Variants in GRM8 observed in about 807,000 individuals in gnomAD.
GRM8 encodes glutamate metabotropic receptor 8.
Under a neutral mutation model 87.2 loss-of-function variants are expected in GRM8, and 47 were observed. That is an observed-to-expected ratio of 0.54 (90% CI 0.43 to 0.69). GRM8 has a LOEUF of 0.69. GRM8 is among the 30% of genes least tolerant of loss of function. GRM8 has a pLI of 0.00. For synonymous variants in GRM8, 396 were observed against 404.5 expected (o/e 0.98, Z 0.25); for missense variants, 1,019 against 1,139.2 (o/e 0.89, Z 1.52).
At chr7:127,222,470 A>T (rs1213413653) in intron 2 of GRM8, among the ~76,000 whole-genome samples, 2 of 152,192 alleles carry the variant, frequency 1.3e-5, no homozygotes, top group East Asian at 3.9e-4. Context: ...ACTTTCTCAG[A>T]GGAATCACTG....
intron 7 of GRM8, among the ~76,000 whole-genome samples, chr7:126,612,086 T>C (rs551611649): frequency 2.0e-5 from 3 of 152,182 alleles, no homozygotes; most frequent in Non-Finnish European, 4.4e-5. Context: ...TTCTCAGTTA[T>C]ATAGTGGGCT....
In GRM8 at chr7:126,940,915, C is replaced by T. The variant is rs79574797; in HGVS notation, c.728-36232G>A. Among the ~76,000 whole-genome samples the T allele has an allele frequency of 5.3e-5, 8 of 152,306 alleles. No individual in the cohort carries two copies. The East Asian group carries it at 1.5e-3, about 29-fold the overall frequency. ...AGATGACATTGTCGAAAAAGGGACT[C>T]TGTAGAGCATTGTTTGCTTAGTTGG... On this transcript the variant is annotated intron_variant, in intron 3 of 10. Coordinates refer to ENST00000339582, the MANE Select transcript of GRM8 (RefSeq NM_000845.3).
At chr7:126,821,665 G>T (rs1794314330) in intron 6 of GRM8, among the ~76,000 whole-genome samples, 1 of 152,082 alleles carries the variant, frequency 6.6e-6, no homozygotes, top group Non-Finnish European at 1.5e-5. Context: ...GCTAATTTTA[G>T]ATTTAAAGAA....
At chr7:127,008,457 TC>T (rs1200377201) in intron 3 of GRM8, among the ~76,000 whole-genome samples, 1 of 152,118 alleles carries the variant, frequency 6.6e-6, no homozygotes, top group African/African-American at 2.4e-5. Flanking sequence ...ATTAAAATTC[TC>T]CCTCATGCCT....
At chr7:127,174,239 T>C (rs1015890594) in intron 2 of GRM8, among the ~76,000 whole-genome samples, 12 of 152,158 alleles carry the variant, frequency 7.9e-5, no homozygotes, top group African/African-American at 1.9e-4. Flanking sequence ...TTGGAGGATA[T>C]AGTGAAAAGA....
At chr7:127,034,705 C>G (rs11563506) in intron 3 of GRM8, among the ~76,000 whole-genome samples, 19,147 of 152,178 alleles carry the variant, frequency 0.13, 1,515 homozygotes, top group Middle Eastern at 0.2. Flanking sequence ...TTCACTAGTA[C>G]AAGCTCCAGG....
At chr7:127,050,122 GA>G (rs1819323290) in intron 3 of GRM8, among the ~76,000 whole-genome samples, 1 of 152,216 alleles carries the variant, frequency 6.6e-6, no homozygotes, top group African/African-American at 2.4e-5. Flanking sequence ...GCCACTATGT[GA>G]AGAATGGACT....
At chr7:126,443,632 T>C (rs536420453) in intron 10 of GRM8, among the ~76,000 whole-genome samples, 3 of 152,124 alleles carry the variant, frequency 2.0e-5, no homozygotes, top group African/African-American at 7.2e-5. Flanking sequence ...TTAAACTTTT[T>C]TTTCAGGCAG....
chr7:127,203,395 TGCACA>T (rs1274192891), intron 2 of GRM8, among the ~76,000 whole-genome samples: 63 of 152,252 alleles, frequency 4.1e-4, no homozygotes, highest in African/African-American at 1.3e-3. Flanking sequence ...GTAACAAGCT[TGCACA>T]TACACCCCCT....
chr7:127,208,488 T>C (rs1390899108), intron 2 of GRM8, among the ~76,000 whole-genome samples: 1 of 152,176 alleles, frequency 6.6e-6, no homozygotes, highest in African/African-American at 2.4e-5. Flanking sequence ...TTCACAGATT[T>C]AAAGATCTTG....
intron 6 of GRM8, chr7:126,869,058 TAA>T (rs1035545656): frequency 4.6e-5 from 7 of 152,344 alleles, no homozygotes; most frequent in African/African-American, 1.7e-4. Context: ...TAGGAAATTA[TAA>T]GTCTTTGTTG....
chr7:127,057,172 T>C (rs1038976849), intron 3 of GRM8, among the ~76,000 whole-genome samples: 2 of 151,132 alleles, frequency 1.3e-5, no homozygotes, highest in East Asian at 3.9e-4. Context: ...AAACTTTAAA[T>C]ATCAAAAATA....
rs141572807 is a variant in GRM8 at position 126,444,826 on chromosome 7, A to G, written c.2677+1300T>C. 5.2e-4 allele frequency among the ~76,000 whole-genome samples: 79 copies of G among 152,130 alleles called. 1 individual carries two copies. The East Asian group carries it at 0.013, about 25-fold the overall frequency. On this transcript the variant is annotated intron_variant, in intron 10 of 10. Coordinates refer to ENST00000339582, the MANE Select transcript of GRM8 (RefSeq NM_000845.3). Reference sequence around the variant, plus strand: ...AGACTGCTGGATGAATATGAGAGGAAGAGAATATTTTTGCATAGGATTTTG... The same window carrying G: ...AGACTGCTGGATGAATATGAGAGGAGGAGAATATTTTTGCATAGGATTTTG...
At chr7:126,708,673 G>T (rs1293013741) in intron 7 of GRM8, among the ~76,000 whole-genome samples, 2 of 151,782 alleles carry the variant, frequency 1.3e-5, no homozygotes, top group Non-Finnish European at 2.9e-5. Flanking sequence ...TAACATGGAT[G>T]AACATGGAGG....
At chr7:127,157,781 A>C (rs1435082950) in intron 2 of GRM8, among the ~76,000 whole-genome samples, 3 of 152,178 alleles carry the variant, frequency 2.0e-5, no homozygotes, top group Non-Finnish European at 4.4e-5. Context: ...ACCACTGATA[A>C]AAATTAAAAA....
chr7:127,067,367 T>C (rs1821225899), intron 3 of GRM8, among the ~76,000 whole-genome samples: 2 of 152,236 alleles, frequency 1.3e-5, no homozygotes, highest in Non-Finnish European at 2.9e-5. Context: ...GTATTCTTTT[T>C]TTAAATGATT....
chr7:127,007,840 G>T (rs1350174487), intron 3 of GRM8, among the ~76,000 whole-genome samples: 1 of 152,052 alleles, frequency 6.6e-6, no homozygotes, highest in Non-Finnish European at 1.5e-5. Flanking sequence ...TTGTAACAGA[G>T]CTCCTGTTAA....
At chr7:126,962,941 C>T (rs2131697220) in intron 3 of GRM8, among the ~76,000 whole-genome samples, 1 of 152,288 alleles carries the variant, frequency 6.6e-6, no homozygotes, top group Non-Finnish European at 1.5e-5. Flanking sequence ...CTAATGAAAA[C>T]TTAGAGATCT....
chr7:126,578,366 AG>A (rs1795297278), intron 8 of GRM8, among the ~76,000 whole-genome samples: 1 of 152,188 alleles, frequency 6.6e-6, no homozygotes, highest in African/African-American at 2.4e-5. Flanking sequence ...ATAACAGAAA[AG>A]AGAAGGATAA....
Sources: gnomAD v4.1 joint callset for allele counts (sites outside exome capture counted in the v4.1 genomes callset) on GRCh38, gnomAD v4.1.1 for gene constraint, MANE v1.5 for transcripts, NCBI Gene and HGNC (gene_info 2026-07-23, HGNC 2026-07-21) for gene names.